CSE1L: variants seen among roughly 807,000 people sequenced by gnomAD.
CSE1L encodes exportin-2.
CSE1L carries 24 observed loss-of-function variants against 120.4 expected under a neutral mutation model. The ratio of observed to expected loss-of-function variants is 0.20; its 90% CI spans 0.14 to 0.28. The LOEUF (loss-of-function observed/expected upper bound fraction) is 0.28, where lower values mean the gene tolerates loss of function less well. CSE1L is among the 10% of genes least tolerant of loss of function. CSE1L has a pLI of 1.00. For missense variants in CSE1L, 830 were observed against 1,145.2 expected (o/e 0.72, Z 3.97); for synonymous variants, 402 against 398.3 (o/e 1.01, Z -0.11).
chr20:49,060,770 T>C (rs1333959307), intron 2 of CSE1L, among the ~76,000 whole-genome samples: 3 of 142,226 alleles, frequency 2.1e-5, no homozygotes, highest in African/African-American at 5.0e-5. Flanking sequence ...AGTGAGACTT[T>C]GTCTCAAAAA....
chr20:49,085,392 C>T lies in CSE1L; in HGVS notation c.1723+6C>T, dbSNP rs1368181171. 1 of 1,605,872 alleles carries T rather than the reference C, an allele frequency of 6.2e-7. No individual in the cohort carries two copies. The highest frequency in any genetic ancestry group is 1.1e-5 in the South Asian group (1 of 90,900). On this transcript the variant is annotated splice_donor_region_variant and intron_variant, in intron 16 of 24. Transcript: ENST00000262982. ...AAATGAATATATTATGAAAGGTAGG[C>T]TGTTTCCCTGGTGTGCAGACTACAG...
At position 49,063,244 on chromosome 20, in the gene CSE1L, C is replaced by T; in HGVS notation, c.128C>T (p.Pro43Leu). The change falls in exon 3 of 25, where the codon CCA becomes CTA. Residue 43 changes from proline to leucine, a missense_variant. Pro to Leu is a moderately conservative substitution (Grantham distance 98). This residue lies in a region of CSE1L where 543 missense variants were observed against 640.2 expected (regional missense o/e 0.85). Coordinates refer to ENST00000262982, the MANE Select transcript of CSE1L (RefSeq NM_001316.4). ...LESVEGNQNY[P>L]LLLLTLLEKS... ...TCTGTTGAAGGAAATCAGAATTATC[C>T]ACTGTTGCTTTTGACATTACTGGAG... is the stretch of plus-strand genomic sequence containing the variant. 6.3e-7 allele frequency: 1 copy of T among 1,593,304 alleles called. No individual in the cohort carries two copies.
At chr20:49,075,763 T>C (rs1188696803) in intron 12 of CSE1L, among the ~76,000 whole-genome samples, 1 of 152,234 alleles carries the variant, frequency 6.6e-6, no homozygotes, top group Non-Finnish European at 1.5e-5. Flanking sequence ...GTATCAAATA[T>C]GCTTAACTTA....
chr20:49,096,269 C>A, intron 24 of CSE1L, 80 bp from the exon 25 acceptor site: 2 of 1,116,046 alleles, frequency 1.8e-6, no homozygotes, highest in Non-Finnish European at 2.7e-6. Flanking sequence ...AGAGCTGTGG[C>A]AGCTCTCCCG....
intron 1 of CSE1L, among the ~76,000 whole-genome samples, chr20:49,054,305 G>T (rs541698245): frequency 2.8e-4 from 43 of 152,224 alleles, no homozygotes; most frequent in Middle Eastern, 3.2e-3. Context: ...GTTTCTGGCT[G>T]TTGGGGAGTG....
In CSE1L at chr20:49,085,159, A is replaced by G. The variant is rs557822105; in HGVS notation, c.1620-124A>G. ...AATTATTTTCCTAAACTGTCTATCA[A>G]TTGTCAGTGGTGGGAGATGGCTCAG... On this transcript the variant is annotated intron_variant, in intron 15 of 24. Transcript: ENST00000262982. 4.1e-5 allele frequency: 29 copies of G among 707,480 alleles called. No individual in the cohort carries two copies. In the African/African-American group the frequency reaches 4.3e-4, roughly 11 times the overall value. The allele number at this position is 707,480 out of a possible 1,614,324, so 43.8% of individuals were successfully genotyped here. A position where few individuals can be genotyped will look rare whatever the true frequency, so the allele number is the denominator to read the frequency against.
chr20:49,065,468 G>C (rs1174000533), intron 3 of CSE1L, among the ~76,000 whole-genome samples: 1 of 150,570 alleles, frequency 6.6e-6, no homozygotes, highest in South Asian at 2.1e-4. Flanking sequence ...TGTTACAGGT[G>C]CCCACCACCA....
chr20:49,088,049 C>T lies in CSE1L; in HGVS notation c.1764C>T (p.Ile588=). ...TTTCTCTCCTACAAGAAGCCATAAT[C>T]CCCTACATCCCTACTCTCATCACTC... The part of the protein sequence containing the change: ...RSFSLLQEAI[I]PYIPTLITQL... Residue 588 remains isoleucine (I), a synonymous_variant, in exon 17 of 25, where the codon ATC becomes ATT. Coordinates refer to ENST00000262982, the MANE Select transcript of CSE1L (RefSeq NM_001316.4). The T allele has an allele frequency of 2.5e-6, 4 of 1,601,068 alleles. No individual in the cohort carries two copies. Among genetic ancestry groups the T allele is most frequent in the Non-Finnish European group, 3.4e-6 (4 of 1,172,492 alleles).
intron 2 of CSE1L, among the ~76,000 whole-genome samples, chr20:49,058,750 G>C (rs533925713): frequency 1.2e-3 from 181 of 152,182 alleles, no homozygotes; most frequent in Non-Finnish European, 2.1e-3. Flanking sequence ...CATCTTCTGG[G>C]ATTAAAAAGT....
chr20:49,058,696 C>T, intron 2 of CSE1L, 148 bp downstream of exon 2: 1 of 540,334 alleles, frequency 1.9e-6, no homozygotes, highest in East Asian at 2.9e-5. Flanking sequence ...GCTGCTATAC[C>T]ATGGTGTGTT....
chr20:49,077,408 C>T (rs1036683181), intron 13 of CSE1L, among the ~76,000 whole-genome samples: 6 of 152,160 alleles, frequency 3.9e-5, no homozygotes, highest in African/African-American at 1.2e-4. Context: ...GATCCACCTG[C>T]GTCGGCCTGC....
intron 24 of CSE1L, 40 bp downstream of exon 24, chr20:49,095,003 T>A (rs747344227): frequency 3.9e-5 from 59 of 1,510,560 alleles, no homozygotes; most frequent in Non-Finnish European, 5.2e-5. Context: ...AAATGGAGAC[T>A]TTAATGGGAG....
intron 6 of CSE1L, among the ~76,000 whole-genome samples, chr20:49,067,891 A>G (rs915031600): frequency 2.8e-5 from 4 of 144,546 alleles, no homozygotes; most frequent in Non-Finnish European, 6.0e-5. Flanking sequence ...GCACACTACC[A>G]TGCCTGGCTG....
rs1334123217 is a variant in CSE1L, at chr20:49,085,294, C to T, written c.1631C>T (p.Ala544Val). ...TTTTTCATCTATAGCTTTACAGCTG[C>T]AGAAATCGCACCGTTTGTTGAGATT... ...GPNNATLFTA[A>V]EIAPFVEILL... Residue 544 changes from alanine (A) to valine (V), a missense_variant, in exon 16 of 25, where the codon GCA becomes GTA. Coordinates refer to ENST00000262982, the MANE Select transcript of CSE1L (RefSeq NM_001316.4). 1 of 1,613,482 alleles carries T rather than the reference C, an allele frequency of 6.2e-7. No homozygotes were observed. Among genetic ancestry groups the T allele is most frequent in the Non-Finnish European group, 8.5e-7 (1 of 1,179,698 alleles).
intron 11 of CSE1L, 63 bp from the exon 12 acceptor site, chr20:49,075,255 A>T: frequency 7.6e-7 from 1 of 1,314,964 alleles, no homozygotes; most frequent in Non-Finnish European, 1.1e-6. Context: ...TTTCTTATAA[A>T]TTGGATCAGC....
chr20:49,089,513 G>C (rs1482460926), intron 18 of CSE1L, 25 bp from the exon 19 acceptor site: 2 of 1,611,084 alleles, frequency 1.2e-6, no homozygotes, highest in Middle Eastern at 1.7e-4. Flanking sequence ...GAAGCTCACA[G>C]CTCTGTTTTT....
chr20:49,085,845 A>G (rs996239354), intron 16 of CSE1L, among the ~76,000 whole-genome samples: 3 of 152,148 alleles, frequency 2.0e-5, no homozygotes, highest in Admixed American at 2.0e-4. Context: ...TGCTGGGATT[A>G]GAGGCCACTG....
At chr20:49,073,307 C>T (rs1245601525) in intron 10 of CSE1L, among the ~76,000 whole-genome samples, 1 of 152,046 alleles carries the variant, frequency 6.6e-6, no homozygotes, top group African/African-American at 2.4e-5. Flanking sequence ...GCCACCTCGC[C>T]CAGAAATAGC....
chr20:49,067,150 A>G, intron 5 of CSE1L, 40 bp from the exon 6 acceptor site: 1 of 1,380,412 alleles, frequency 7.2e-7, no homozygotes, highest in African/African-American at 1.4e-5. Flanking sequence ...AGTAAATAAA[A>G]AAAACTTGTA....
Sources: gnomAD v4.1 joint callset for allele counts (sites outside exome capture counted in the v4.1 genomes callset) on GRCh38, gnomAD v4.1.1 for gene constraint, gnomAD v4.1.1 regional missense constraint, MANE v1.5 for transcripts, NCBI Gene and HGNC (gene_info 2026-07-23, HGNC 2026-07-21) for gene names.